Variants in ANK2 observed in about 807,000 individuals in gnomAD.
ANK2 encodes the protein ankyrin 2.
ANK2 carries 83 observed loss-of-function variants against 360.5 expected under a neutral mutation model. The ratio of observed to expected loss-of-function variants is 0.23; its 90% CI spans 0.19 to 0.28. ANK2 has a LOEUF of 0.28. Ranked by LOEUF, ANK2 falls within the 10% of genes least tolerant of loss-of-function variation. ANK2 has a pLI of 1.00. For synonymous variants in ANK2, 1,740 were observed against 1,759.5 expected, an observed-to-expected ratio of 0.99 and a Z score of 0.28; for missense variants, 4,201 against 4,795.7, an observed-to-expected ratio of 0.88 and a Z score of 3.66.
At chr4:112,874,289 G>T (rs1183632025) in intron 1 of ANK2, among the ~76,000 whole-genome samples, 1 of 150,644 alleles carries the variant, frequency 6.6e-6, no homozygotes, top group Admixed American at 6.6e-5. Context: ...CACCATGTTG[G>T]TCAGGCTGGT....
At chr4:112,827,299 C>A in intron 1 of ANK2, 1 of 1,085,698 alleles carries the variant, frequency 9.2e-7, no homozygotes, top group Non-Finnish European at 1.4e-6. Context: ...TAAAGAAGAT[C>A]CAGAACAGCT....
At chr4:113,330,206 A>C (rs1416942919) in intron 26 of ANK2, 40 bp from the exon 27 acceptor site, 1 of 1,574,772 alleles carries the variant, frequency 6.4e-7, no homozygotes, top group Admixed American at 1.8e-5. Context: ...TCTGCCCCCA[A>C]TATTTCAAAA....
intron 1 of ANK2, among the ~76,000 whole-genome samples, chr4:113,137,834 C>T (rs960264937): frequency 6.6e-6 from 1 of 152,142 alleles, no homozygotes; most frequent in African/African-American, 2.4e-5. Flanking sequence ...TGATAGTGTC[C>T]ATCTAGAATT....
intron 1 of ANK2, among the ~76,000 whole-genome samples, chr4:112,832,340 A>C (rs2059977498): frequency 6.6e-6 from 1 of 152,224 alleles, no homozygotes; most frequent in South Asian, 2.1e-4. Flanking sequence ...GGCATGAGCC[A>C]CAGTACCGGG....
intron 2 of ANK2, among the ~76,000 whole-genome samples, chr4:113,186,299 A>C (rs1348372018): frequency 6.6e-6 from 1 of 152,214 alleles, no homozygotes; most frequent in Non-Finnish European, 1.5e-5. Flanking sequence ...GCAGACCTGC[A>C]GCAGAGGGGC....
At chr4:113,338,679 A>G (rs532208069) in intron 31 of ANK2, among the ~76,000 whole-genome samples, 1 of 150,202 alleles carries the variant, frequency 6.7e-6, no homozygotes, top group East Asian at 2.0e-4. Flanking sequence ...CCTCCCTAGT[A>G]GCTGGGACTA....
intron 4 of ANK2, among the ~76,000 whole-genome samples, chr4:113,215,488 A>T (rs1370251451): frequency 6.6e-6 from 1 of 152,174 alleles, no homozygotes; most frequent in African/African-American, 2.4e-5. Context: ...ATTGCCCAAA[A>T]TGGCTAATTC....
chr4:113,338,874 T>C (rs2093924094), intron 31 of ANK2, among the ~76,000 whole-genome samples: 1 of 152,138 alleles, frequency 6.6e-6, no homozygotes, highest in African/African-American at 2.4e-5. Context: ...TAACAAACTG[T>C]TCAGCTCCTT....
intron 2 of ANK2, among the ~76,000 whole-genome samples, chr4:113,176,396 A>G (rs2098200978): frequency 6.6e-6 from 1 of 152,166 alleles, no homozygotes; most frequent in Non-Finnish European, 1.5e-5. Flanking sequence ...CTGTATTCCA[A>G]TATGTAAAAT....
intron 40 of ANK2, 62 bp from the exon 41 acceptor site, chr4:113,364,976 AG>A (rs2096451403): frequency 6.2e-7 from 1 of 1,600,938 alleles, no homozygotes; most frequent in Non-Finnish European, 8.5e-7. Flanking sequence ...AAGGCAGTTG[AG>A]TGAAAGAGAT....
intron 19 of ANK2, 114 bp downstream of exon 19, chr4:113,287,817 A>G (rs2065464019): frequency 3.6e-6 from 3 of 840,832 alleles, no homozygotes; most frequent in Non-Finnish European, 5.9e-6. Flanking sequence ...TCCATTCTGA[A>G]ATATAAACTA....
chr4:113,265,053 G>T, intron 14 of ANK2, 58 bp downstream of exon 14: 1 of 1,485,346 alleles, frequency 6.7e-7, no homozygotes, highest in Non-Finnish European at 9.2e-7. Context: ...TCATCCTTAA[G>T]AGAGGGTGTT....
In ANK2 at chr4:113,018,168, C is replaced by G. The variant is rs72896454; in HGVS notation, c.21+113654C>G. Among the ~76,000 whole-genome samples the G allele has an allele frequency of 1.7e-3, 266 of 152,322 alleles. 2 individuals are homozygous for G. Among genetic ancestry groups the G allele is most frequent in the Middle Eastern group, 0.01 (3 of 294 alleles). On this transcript the variant is annotated intron_variant, in intron 2 of 30. Coordinates refer to the ANK2 transcript ENST00000503271. Reference sequence around the variant, plus strand: ...GTGTTTAAACTGACAAACCACTGTTCTGTAGCCGGAGGCAACTGGCTGAAA... The same window carrying G: ...GTGTTTAAACTGACAAACCACTGTTGTGTAGCCGGAGGCAACTGGCTGAAA...
At chr4:113,246,271 G>GAATA (rs979397933) in intron 9 of ANK2, among the ~76,000 whole-genome samples, 117 of 152,182 alleles carry the variant, frequency 7.7e-4, no homozygotes, top group African/African-American at 2.6e-3. Context: ...ATTATCTAGA[G>GAATA]AATAGCAAGA....
intron 1 of ANK2, among the ~76,000 whole-genome samples, chr4:113,163,764 C>CAAAAAAAA (rs1158530849): frequency 5.1e-4 from 28 of 55,044 alleles, no homozygotes; most frequent in African/African-American, 1.0e-3. Flanking sequence ...AACTTCGTCT[C>CAAAAAAAA]AAAAAAAAAA....
chr4:112,802,342 C>T, the ANK2 span, among the ~76,000 whole-genome samples: 1 of 152,116 alleles, frequency 6.6e-6, no homozygotes, highest in Admixed American at 6.6e-5. Context: ...GGAATTGGAT[C>T]CAAAAAGTAC....
In ANK2 at chr4:113,149,874, CAAAAAAAAA is replaced by C. The variant is rs34667216; in HGVS notation, c.85-24524_85-24516del. On this transcript the variant is annotated intron_variant, in intron 1 of 45. Transcript: ENST00000357077. Reference sequence around the variant, plus strand: ...CTTGCGTGAGAGTGAGACCCTGCCTCAAAAAAAAAAAAAAAAAAAAAAAAAAGAAAGATT... The same window carrying C: ...CTTGCGTGAGAGTGAGACCCTGCCTCAAAAAAAAAAAAAAAAAGAAAGATT... Among the ~76,000 whole-genome samples the C allele has an allele frequency of 1.6e-3, 49 of 31,410 alleles. 1 individual carries two copies. The highest frequency in any genetic ancestry group is 5.0e-3 in the African/African-American group (39 of 7,800). 20.6% of individuals were successfully genotyped at this position (31,410 alleles called of 152,430 possible).
At chr4:112,973,188 TAAAA>T (rs34597000) in intron 2 of ANK2, among the ~76,000 whole-genome samples, 10 of 134,764 alleles carry the variant, frequency 7.4e-5, no homozygotes, top group African/African-American at 8.1e-5. Context: ...ATTTGCATTG[TAAAA>T]AAAAAAAAAA....
At chr4:112,732,017 T>C in the ANK2 span, among the ~76,000 whole-genome samples, 5 of 152,158 alleles carry the variant, frequency 3.3e-5, no homozygotes, top group African/African-American at 4.8e-5. Flanking sequence ...CAAGAGCCAA[T>C]GGTTAAAATA....
Sources: gnomAD v4.1 joint callset for allele counts (sites outside exome capture counted in the v4.1 genomes callset) on GRCh38, gnomAD v4.1.1 for gene constraint, MANE v1.5 for transcripts, NCBI Gene and HGNC (gene_info 2026-07-23, HGNC 2026-07-21) for gene names.